Variants in DENND1C observed in about 807,000 individuals in gnomAD.
DENND1C encodes the protein DENN domain containing 1C.
DENND1C carries 64 observed loss-of-function variants against 87.9 expected under a neutral mutation model. The observed-to-expected ratio is 0.73, with a 90% CI of 0.60 to 0.90. The LOEUF (loss-of-function observed/expected upper bound fraction) is 0.90, where lower values mean the gene tolerates loss of function less well. Among genes scored for constraint, DENND1C ranks in the 40% least tolerant of loss-of-function variants. The pLI, the probability that DENND1C is intolerant of heterozygous loss-of-function variation, is 0.00. For missense variants in DENND1C, 980 were observed against 1,037.0 expected, an observed-to-expected ratio of 0.95 and a Z score of 0.76; for synonymous variants, 384 against 424.4, an observed-to-expected ratio of 0.90 and a Z score of 1.17.
At chr19:6,472,234 C>T (rs2145187854) in intron 15 of DENND1C, among the ~76,000 whole-genome samples, 1 of 140,248 alleles carries the variant, frequency 7.1e-6, no homozygotes, top group South Asian at 2.5e-4. Flanking sequence ...CAGTCAGGAC[C>T]CATCCCCTCT....
chr19:6,471,160 G>T lies in DENND1C; in HGVS notation c.1290+105C>A. 3.4e-6 allele frequency: 5 copies of T among 1,477,416 alleles called. No homozygotes were observed. The Admixed American group carries it at 9.9e-5, about 29-fold the overall frequency. The allele number at this position is 1,477,416 out of a possible 1,614,324, so 91.5% of individuals were successfully genotyped here. A position where few individuals can be genotyped will look rare whatever the true frequency, so the allele number is the denominator to read the frequency against. On this transcript the variant is annotated intron_variant, in intron 17 of 22. Transcript: ENST00000381480. ...GGGGTTTCGTCACGTTGCCCTAACC[G>T]GTCTCAAACTTCTGGTCGCAGCAAT...
At chr19:6,470,112 TAAA>T in intron 18 of DENND1C, 180 bp downstream of exon 18, 1 of 612,502 alleles carries the variant, frequency 1.6e-6, no homozygotes, top group Non-Finnish European at 2.8e-6. Flanking sequence ...ATGAGTATAA[TAAA>T]TAAAAAATAA....
chr19:6,471,594 G>A, intron 15 of DENND1C, 98 bp from the exon 16 acceptor site: 1 of 1,129,420 alleles, frequency 8.9e-7, no homozygotes, highest in Non-Finnish European at 1.2e-6. Context: ...GCCATCTCTG[G>A]CCTCCAACCT....
At chr19:6,480,387 A>C in intron 1 of DENND1C, 12 of 1,216,368 alleles carry the variant, frequency 9.9e-6, no homozygotes, top group East Asian at 4.6e-5. Context: ...TGTCTCCTAT[A>C]TCTGTGGCAT....
intron 6 of DENND1C, among the ~76,000 whole-genome samples, chr19:6,477,785 C>A (rs1367252988): frequency 1.4e-5 from 2 of 146,996 alleles, no homozygotes; most frequent in African/African-American, 4.9e-5. Context: ...CCTTGTAGGC[C>A]GGGCGCGGTG....
intron 17 of DENND1C, among the ~76,000 whole-genome samples, chr19:6,470,867 G>A (rs185014819): frequency 1.3e-5 from 2 of 151,940 alleles, no homozygotes; most frequent in East Asian, 1.9e-4. Flanking sequence ...TGATCCGCCC[G>A]CCTCAGCCTC....
At chr19:6,468,518 C>A in intron 21 of DENND1C, 60 bp downstream of exon 21, 1 of 1,559,650 alleles carries the variant, frequency 6.4e-7, no homozygotes, top group Non-Finnish European at 8.7e-7. Context: ...GTTTGGGAAC[C>A]CTCCTCCCCA....
chr19:6,480,079 CT>C (rs781040419), intron 1 of DENND1C, 28 bp from the exon 2 acceptor site: 1 of 1,592,182 alleles, frequency 6.3e-7, no homozygotes, highest in Non-Finnish European at 8.5e-7. Context: ...GGTCCAGAGA[CT>C]TGCTTCTATG....
intron 1 of DENND1C, chr19:6,480,590 CTATCT>C (rs1177526022): frequency 2.6e-6 from 1 of 378,986 alleles, no homozygotes; most frequent in East Asian, 2.1e-4. Flanking sequence ...ATCTATCTAT[CTATCT>C]ATCTATCTAT....
At chr19:6,471,899 TC>T (rs1238608960) in intron 15 of DENND1C, among the ~76,000 whole-genome samples, 1 of 152,150 alleles carries the variant, frequency 6.6e-6, no homozygotes, top group African/African-American at 2.4e-5. Flanking sequence ...TGCCTTGGGC[TC>T]CCAAAATGCT....
chr19:6,471,808 A>G (rs914046885), intron 15 of DENND1C, among the ~76,000 whole-genome samples: 4 of 152,044 alleles, frequency 2.6e-5, no homozygotes, highest in Non-Finnish European at 4.4e-5. Context: ...ATGCCCAGCT[A>G]ACTTTTATAT....
In DENND1C at chr19:6,471,277, G is replaced by A. The variant is rs747836090; in HGVS notation, c.1278C>T (p.Ala426=). The part of the protein sequence containing the change: ...SGALRSYQLW[A]DNLKKGGGAL... Reference sequence around the variant, plus strand: ...CTGGTGGTCTTACCTTTAGATTGTCGGCCCAGAGCTGATAGGATCGAAGGG... The same window carrying A: ...CTGGTGGTCTTACCTTTAGATTGTCAGCCCAGAGCTGATAGGATCGAAGGG... Residue 426 remains alanine (A), a synonymous_variant, in exon 17 of 23, where the codon GCC becomes GCT. Transcript: ENST00000381480. 76 of 1,593,316 alleles carry A rather than the reference G, an allele frequency of 4.8e-5. No individual in the cohort carries two copies. Among genetic ancestry groups the A allele is most frequent in the Non-Finnish European group, 5.6e-5 (66 of 1,169,868 alleles).
At chr19:6,469,034 T>C (rs2092813525) in intron 19 of DENND1C, 81 bp from the exon 20 acceptor site, 1 of 806,190 alleles carries the variant, frequency 1.2e-6, no homozygotes, top group South Asian at 4.9e-5. Context: ...AGTTAGTCTT[T>C]TTTTTTTTTT....
intron 11 of DENND1C, 36 bp downstream of exon 11, chr19:6,475,801 C>A (rs772916235): frequency 1.3e-5 from 20 of 1,522,598 alleles, no homozygotes; most frequent in Non-Finnish European, 1.7e-5. Flanking sequence ...CAGGGCCTGC[C>A]CACAGGCCCT....
intron 14 of DENND1C, among the ~76,000 whole-genome samples, chr19:6,474,060 T>C (rs1179276478): frequency 6.6e-6 from 1 of 151,940 alleles, no homozygotes; most frequent in African/African-American, 2.4e-5. Context: ...GCCATTGTGG[T>C]GGTGCATGCC....
intron 14 of DENND1C, among the ~76,000 whole-genome samples, chr19:6,473,835 T>C (rs2092844065): frequency 6.6e-6 from 1 of 151,328 alleles, no homozygotes; most frequent in African/African-American, 2.4e-5. Flanking sequence ...ATGATCTGAC[T>C]CGGGTGTTCA....
Position 6,479,249 on chromosome 19 carries a change from G to A in DENND1C, c.177-193C>T, listed in dbSNP as rs553916923. 1.2e-3 allele frequency among the ~76,000 whole-genome samples: 180 copies of A among 149,860 alleles called. 2 individuals are homozygous for A. Among genetic ancestry groups the A allele is most frequent in the African/African-American group, 4.1e-3 (164 of 39,618 alleles). ...GGTCCCTGGATCTCTGGGTCCCTGA[G>A]TCCCTGGGTCCCTGGATCTCTGGGT... On this transcript the variant is annotated intron_variant, in intron 4 of 22. Transcript: ENST00000381480.
intron 3 of DENND1C, 55 bp downstream of exon 3, chr19:6,479,804 C>T: frequency 6.2e-7 from 1 of 1,613,750 alleles, no homozygotes; most frequent in Non-Finnish European, 8.5e-7. Context: ...ACCAAGTCCC[C>T]TCCCCCTGGG....
In DENND1C at chr19:6,467,500, A is replaced by C. The variant is rs369456228; in HGVS notation, c.*4T>G. 3.2e-6 allele frequency: 5 copies of C among 1,576,896 alleles called. No individual in the cohort carries two copies. In the African/African-American group the frequency reaches 6.9e-5, roughly 22 times the overall value. On this transcript the variant is annotated 3_prime_UTR_variant, in exon 23 of 23. Coordinates refer to ENST00000381480, the MANE Select transcript of DENND1C (RefSeq NM_024898.4). ...GACTGGGGTCTCTCTTGGACCCCTGATTCTTAACCCTCAAAGCACTTCTTA... is the reference window on the plus strand; with the variant it reads ...GACTGGGGTCTCTCTTGGACCCCTGCTTCTTAACCCTCAAAGCACTTCTTA...
Sources: gnomAD v4.1 joint callset for allele counts (sites outside exome capture counted in the v4.1 genomes callset) on GRCh38, gnomAD v4.1.1 for gene constraint, MANE v1.5 for transcripts, NCBI Gene and HGNC (gene_info 2026-07-23, HGNC 2026-07-21) for gene names.